NAALADL2: variants seen among roughly 807,000 people sequenced by gnomAD.
NAALADL2 encodes N-acetylated alpha-linked acidic dipeptidase like 2.
A neutral mutation model predicts 87.2 loss-of-function variants in NAALADL2; 76 were observed. The ratio of observed to expected loss-of-function variants is 0.87; its 90% CI spans 0.72 to 1.05. NAALADL2 has a LOEUF of 1.05. Among genes scored for constraint, NAALADL2 ranks in the 50% least tolerant of loss-of-function variants. The pLI is 0.00. For synonymous variants in NAALADL2, 354 were observed against 331.0 expected, an observed-to-expected ratio of 1.07 and a Z score of -0.75; for missense variants, 1,089 against 945.8, an observed-to-expected ratio of 1.15 and a Z score of -1.99.
intron 3 of NAALADL2, among the ~76,000 whole-genome samples, chr3:174,814,747 G>C (rs1370155395): frequency 6.6e-6 from 1 of 152,064 alleles, no homozygotes; most frequent in Non-Finnish European, 1.5e-5. Context: ...TCTTCCAAAA[G>C]GTAATTTGTT....
intron 9 of NAALADL2, among the ~76,000 whole-genome samples, chr3:175,560,428 C>T (rs1417794313): frequency 6.6e-6 from 1 of 151,830 alleles, no homozygotes; most frequent in East Asian, 1.9e-4. Context: ...ATTTTAATTT[C>T]AATTTTGTTT....
chr3:175,384,503 G>C (rs1357815818), intron 5 of NAALADL2, among the ~76,000 whole-genome samples: 1 of 151,836 alleles, frequency 6.6e-6, no homozygotes, highest in African/African-American at 2.4e-5. Context: ...TATAAATTAG[G>C]TTTTAGTTTC....
intron 5 of NAALADL2, among the ~76,000 whole-genome samples, chr3:175,381,488 CATA>C (rs773213816): frequency 6.6e-6 from 1 of 151,850 alleles, no homozygotes; most frequent in Non-Finnish European, 1.5e-5. Context: ...AGTAATGATT[CATA>C]ATAATCTTCT....
intron 12 of NAALADL2, among the ~76,000 whole-genome samples, chr3:175,742,289 C>T (rs1745326929): frequency 6.6e-6 from 1 of 152,218 alleles, no homozygotes; most frequent in African/African-American, 2.4e-5. Context: ...CTCAGCTTGA[C>T]TTTCCCCTTT....
At chr3:175,634,703 G>A (rs1379236325) in intron 11 of NAALADL2, among the ~76,000 whole-genome samples, 2 of 151,836 alleles carry the variant, frequency 1.3e-5, no homozygotes, top group Admixed American at 6.6e-5. Context: ...TTGATAAATT[G>A]TTTGAATAAA....
chr3:175,410,438 A>G (rs930023889), intron 5 of NAALADL2, among the ~76,000 whole-genome samples: 5 of 152,148 alleles, frequency 3.3e-5, no homozygotes, highest in African/African-American at 1.2e-4. Context: ...CAAGAACTCC[A>G]AAGAAAAATT....
intron 5 of NAALADL2, chr3:175,397,458 G>C (rs1231606390): frequency 2.0e-5 from 3 of 152,068 alleles, no homozygotes; most frequent in African/African-American, 7.2e-5. Flanking sequence ...GCCAAACATA[G>C]AGGGCACAAT....
intron 1 of NAALADL2, among the ~76,000 whole-genome samples, chr3:174,944,316 A>G (rs1002762689): frequency 6.6e-6 from 1 of 152,142 alleles, no homozygotes; most frequent in Non-Finnish European, 1.5e-5. Context: ...ATGTGTTGTC[A>G]TAGAGCAGCT....
chr3:175,672,219 T>G (rs942760826), intron 11 of NAALADL2, among the ~76,000 whole-genome samples: 2 of 152,148 alleles, frequency 1.3e-5, no homozygotes, highest in African/African-American at 4.8e-5. Flanking sequence ...GGTGCTTGGT[T>G]GAAACTGCCA....
At chr3:175,031,330 A>G (rs1185904432) in intron 1 of NAALADL2, among the ~76,000 whole-genome samples, 1 of 151,898 alleles carries the variant, frequency 6.6e-6, no homozygotes, top group Non-Finnish European at 1.5e-5. Flanking sequence ...CTTTATGTTC[A>G]TGTGTACTCA....
At chr3:174,884,030 TAGG>T (rs1366726401) in intron 1 of NAALADL2, among the ~76,000 whole-genome samples, 1 of 152,076 alleles carries the variant, frequency 6.6e-6, no homozygotes, top group African/African-American at 2.4e-5. Context: ...GACTTAAGGG[TAGG>T]AGGAGCCCGA....
chr3:174,859,468 A>C lies in NAALADL2; in HGVS notation c.43+18A>C. The C allele has an allele frequency of 6.2e-7, 1 of 1,602,886 alleles. No individual in the cohort carries two copies. The highest frequency in any genetic ancestry group is 8.5e-7 in the Non-Finnish European group (1 of 1,171,658). On this transcript the variant is annotated intron_variant, in intron 1 of 13. Coordinates refer to ENST00000454872, the MANE Select transcript of NAALADL2 (RefSeq NM_207015.3). ...TTTGCAAGGTAAGTACCAACAGCCT[A>C]TGAACTTTTCACTTTTCACAATCAG...
chr3:175,061,455 A>G (rs1193507044), intron 1 of NAALADL2, among the ~76,000 whole-genome samples: 3 of 152,136 alleles, frequency 2.0e-5, no homozygotes, highest in Non-Finnish European at 4.4e-5. Flanking sequence ...TTTCCTGTTT[A>G]AAGTCTTCAT....
chr3:174,902,639 C>G (rs1732453441), intron 1 of NAALADL2, among the ~76,000 whole-genome samples: 1 of 152,008 alleles, frequency 6.6e-6, no homozygotes, highest in Admixed American at 6.6e-5. Flanking sequence ...CTGGAATTTT[C>G]AAGGAGATAT....
At chr3:175,408,131 A>T (rs917713982) in intron 5 of NAALADL2, among the ~76,000 whole-genome samples, 9 of 152,134 alleles carry the variant, frequency 5.9e-5, no homozygotes, top group African/African-American at 2.2e-4. Flanking sequence ...AGGGGAAGGA[A>T]TGAGAAGAGG....
At chr3:175,408,903 T>C (rs1191212896) in intron 5 of NAALADL2, among the ~76,000 whole-genome samples, 8 of 152,016 alleles carry the variant, frequency 5.3e-5, no homozygotes, top group African/African-American at 1.9e-4. Context: ...TGCTGAGTTT[T>C]TAATAGAATC....
chr3:174,786,470 T>A (rs1387678653), intron 3 of NAALADL2, among the ~76,000 whole-genome samples: 2 of 137,804 alleles, frequency 1.5e-5, no homozygotes, highest in African/African-American at 5.2e-5. Flanking sequence ...AAAAAAATAA[T>A]AAATAAATGA....
intron 5 of NAALADL2, among the ~76,000 whole-genome samples, chr3:175,403,749 T>G (rs1711795091): frequency 6.6e-6 from 1 of 152,148 alleles, no homozygotes; most frequent in Non-Finnish European, 1.5e-5. Context: ...AGGAACTCAT[T>G]AGACATCATT....
At chr3:175,595,002 A>C (rs1722052609) in intron 10 of NAALADL2, among the ~76,000 whole-genome samples, 1 of 152,056 alleles carries the variant, frequency 6.6e-6, no homozygotes. Context: ...TCTTTAGTTT[A>C]ACTGGCTCCC....
Sources: allele counts gnomAD v4.1 joint callset (sites outside exome capture counted in the v4.1 genomes callset), GRCh38; gene constraint gnomAD v4.1.1; transcripts MANE v1.5; gene names NCBI Gene and HGNC (gene_info 2026-07-23, HGNC 2026-07-21).